The following KLF3 variants were observed in gnomAD, a reference collection of about 807,000 sequenced individuals.
The protein encoded by KLF3 is Krueppel-like factor 3.
KLF3 carries 6 observed loss-of-function variants against 32.7 expected under a neutral mutation model. The observed-to-expected ratio is 0.18, with a 90% confidence interval of 0.10 to 0.36. The LOEUF (loss-of-function observed/expected upper bound fraction) is 0.36. KLF3 is among the 10% of genes least tolerant of loss of function. KLF3 has a pLI of 1.00. For missense variants in KLF3, 338 were observed against 449.7 expected (o/e 0.75, Z 2.25); for synonymous variants, 145 against 172.8 (o/e 0.84, Z 1.26).
intron 2 of KLF3, among the ~76,000 whole-genome samples, chr4:38,684,541 GTTTTTTTTTT>G (rs139709836): frequency 9.2e-6 from 1 of 109,176 alleles, no homozygotes; most frequent in Non-Finnish European, 1.8e-5. Flanking sequence ...GGTTTTTTGT[GTTTTTTTTTT>G]TTTTTTTTTT....
chr4:38,665,158 G>T (rs548064317), intron 1 of KLF3, among the ~76,000 whole-genome samples: 63 of 152,252 alleles, frequency 4.1e-4, no homozygotes, highest in Non-Finnish European at 6.8e-4. Context: ...AGGGCGTCTG[G>T]ATCCTCCGGG....
At chr4:38,678,024 G>T (rs1162787324) in intron 1 of KLF3, among the ~76,000 whole-genome samples, 1 of 152,122 alleles carries the variant, frequency 6.6e-6, no homozygotes, top group Non-Finnish European at 1.5e-5. Flanking sequence ...TTTGCAGCCT[G>T]CTTGAGTCTC....
At chr4:38,692,641 G>A (rs371507949) in intron 4 of KLF3, among the ~76,000 whole-genome samples, 39 of 152,276 alleles carry the variant, frequency 2.6e-4, no homozygotes, top group African/African-American at 7.0e-4. Flanking sequence ...GAGACTGTCA[G>A]TGACAGAGCT....
intron 1 of KLF3, among the ~76,000 whole-genome samples, chr4:38,675,113 T>G (rs753444614): frequency 4.6e-5 from 7 of 152,260 alleles, no homozygotes; most frequent in Non-Finnish European, 1.0e-4. Context: ...CCTTTTAATC[T>G]ATAATCACGC....
Position 38,664,244 on chromosome 4 carries a change from AGGAGCCAGAGG to A in KLF3, c.-248_-238del, listed in dbSNP as rs1171859369. The A allele has an allele frequency of 6.6e-6, 1 of 151,266 alleles. No homozygotes were observed. The highest frequency in any genetic ancestry group is 2.4e-5 in the African/African-American group (1 of 41,222). The allele number at this position is 151,266 out of a possible 1,614,324, so 9.4% of individuals were successfully genotyped here. A position where few individuals can be genotyped will look rare whatever the true frequency, so the allele number is the denominator to read the frequency against. On this transcript the variant is annotated 5_prime_UTR_variant, in exon 1 of 6. Coordinates refer to ENST00000261438, the MANE Select transcript of KLF3 (RefSeq NM_016531.6). ...CATGTGACTGCCCGGAGTTGGTGCC[AGGAGCCAGAGG>A]GGAGCCAGGAGCGGAGCCGCGCGGA...
At chr4:38,689,162 G>A in intron 3 of KLF3, 91 bp downstream of exon 3, 1 of 1,484,856 alleles carries the variant, frequency 6.7e-7, no homozygotes, top group Non-Finnish European at 9.2e-7. Flanking sequence ...GGGGGCAAGA[G>A]CTGTTGAACT....
intron 2 of KLF3, among the ~76,000 whole-genome samples, chr4:38,687,311 G>C (rs1722733262): frequency 6.6e-6 from 1 of 152,164 alleles, no homozygotes; most frequent in African/African-American, 2.4e-5. Flanking sequence ...GGTTTATGTT[G>C]AGTTTAATTT....
At chr4:38,684,821 G>T (rs1190448422) in intron 2 of KLF3, among the ~76,000 whole-genome samples, 1 of 152,208 alleles carries the variant, frequency 6.6e-6, no homozygotes, top group Non-Finnish European at 1.5e-5. Flanking sequence ...CTCTCCAAGT[G>T]CTGGAGTTAA....
chr4:38,679,293 G>GA (rs1262221026), intron 1 of KLF3, among the ~76,000 whole-genome samples: 3 of 151,822 alleles, frequency 2.0e-5, no homozygotes, highest in African/African-American at 7.3e-5. Flanking sequence ...CAATAGAGCT[G>GA]AAAAAAAATA....
Position 38,675,380 on chromosome 4 carries a change from AT to A in KLF3, c.-39-5203del, listed in dbSNP as rs745938643. On this transcript the variant is annotated intron_variant, in intron 1 of 5. Coordinates refer to ENST00000261438, the MANE Select transcript of KLF3 (RefSeq NM_016531.6). The stretch of plus-strand genomic sequence containing the variant: ...TAACTTAGAATTTTTCATAAAAACA[AT>A]TTTGCCCTTCCCCCCCCTTTTGGAT... Among the ~76,000 whole-genome samples, 7 of 134,446 alleles carry A rather than the reference AT, an allele frequency of 5.2e-5. No homozygotes were observed. In the East Asian group the frequency reaches 8.1e-4, roughly 16 times the overall value. The allele number at this position is 134,446 out of a possible 152,430, so 88.2% of individuals were successfully genotyped here.
At chr4:38,667,286 G>T (rs1427062052) in intron 1 of KLF3, among the ~76,000 whole-genome samples, 1 of 152,126 alleles carries the variant, frequency 6.6e-6, no homozygotes, top group Admixed American at 6.5e-5. Context: ...TCAAGGCTGG[G>T]GTTTGCGTCA....
intron 4 of KLF3, 44 bp from the exon 5 acceptor site, chr4:38,694,702 A>C: frequency 2.0e-6 from 3 of 1,491,740 alleles, no homozygotes; most frequent in Non-Finnish European, 2.7e-6. Flanking sequence ...TGAAAAAGGA[A>C]GAGCGTGCTC....
At position 38,697,259 on chromosome 4, in the gene KLF3, T is replaced by C. The variant is rs762063698; in HGVS notation, c.1034T>C (p.Val345Ala). The C allele has an allele frequency of 2.4e-5, 39 of 1,605,884 alleles. No individual in the cohort carries two copies. Among genetic ancestry groups the C allele is most frequent in the Non-Finnish European group, 3.3e-5 (39 of 1,174,976 alleles). Residue 345 changes from valine (V) to alanine (A), a missense_variant, in exon 6 of 6, where the codon GTC becomes GCC. This residue lies in a region of KLF3 where 66 missense variants were observed against 136.2 expected (regional missense o/e 0.48). Transcript: ENST00000261438. ...CTCCATAGGAAACGCCACATGCTAGTCTGATTGCCTCTGTGTCCTGCCTCA... is the reference window on the plus strand; with the variant it reads ...CTCCATAGGAAACGCCACATGCTAGCCTGATTGCCTCTGTGTCCTGCCTCA... The part of the protein sequence containing the change: ...LALHRKRHML[V>A]
chr4:38,664,409 CGTATCGGG>C lies in KLF3; in HGVS notation c.-90_-83del, dbSNP rs1396485929. ...TGCGCTCGGGGGGCTCCAGGCAGCC[CGTATCGGG>C]GCCTTTATTTCTCGTCGGCGGCGCC... On this transcript the variant is annotated 5_prime_UTR_variant, in exon 1 of 6. Coordinates refer to ENST00000261438, the MANE Select transcript of KLF3 (RefSeq NM_016531.6). 1 of 152,122 alleles carries C rather than the reference CGTATCGGG, an allele frequency of 6.6e-6. No homozygotes were observed. The highest frequency in any genetic ancestry group is 1.5e-5 in the Non-Finnish European group (1 of 68,018). 9.4% of individuals were successfully genotyped at this position (152,122 alleles called of 1,614,324 possible).
intron 2 of KLF3, among the ~76,000 whole-genome samples, chr4:38,685,871 C>T (rs191540201): frequency 7.0e-4 from 107 of 152,276 alleles, no homozygotes; most frequent in South Asian, 2.9e-3. Context: ...CTGAAACCCT[C>T]CAGTGTACAT....
At position 38,700,269 on chromosome 4, in the gene KLF3, T is replaced by C. The variant is rs1422596765; in HGVS notation, c.*3006T>C. The C allele has an allele frequency of 1.3e-5, 2 of 152,244 alleles. No homozygotes were observed. The highest frequency in any genetic ancestry group is 1.5e-5 in the Non-Finnish European group (1 of 68,042). The allele number at this position is 152,244 out of a possible 1,614,324, so 9.4% of individuals were successfully genotyped here. ...ATTACAGGGGAACTATATATGTATA[T>C]GTATATTTTATTAAACACCCATCTG... On this transcript the variant is annotated 3_prime_UTR_variant, in exon 6 of 6. Coordinates refer to ENST00000261438, the MANE Select transcript of KLF3 (RefSeq NM_016531.6).
At chr4:38,677,925 C>G (rs1722402439) in intron 1 of KLF3, among the ~76,000 whole-genome samples, 1 of 142,024 alleles carries the variant, frequency 7.0e-6, no homozygotes, top group Non-Finnish European at 1.5e-5. Flanking sequence ...GTTTTAATCT[C>G]ACTTGATAGA....
chr4:38,673,852 G>A (rs1722268330), intron 1 of KLF3, among the ~76,000 whole-genome samples: 1 of 152,184 alleles, frequency 6.6e-6, no homozygotes, highest in African/African-American at 2.4e-5. Context: ...GTTTGGACAA[G>A]TTGGACTTGC....
chr4:38,696,587 T>C (rs776253157), intron 5 of KLF3, among the ~76,000 whole-genome samples: 1 of 152,220 alleles, frequency 6.6e-6, no homozygotes, highest in Non-Finnish European at 1.5e-5. Flanking sequence ...CTAATTGTTA[T>C]TGACTAAACA....
Sources: allele counts gnomAD v4.1 joint callset (sites outside exome capture counted in the v4.1 genomes callset), GRCh38; gene constraint gnomAD v4.1.1; regional missense constraint gnomAD v4.1.1; transcripts MANE v1.5; gene names NCBI Gene and HGNC (gene_info 2026-07-23, HGNC 2026-07-21).